The following TRIO variants were observed in gnomAD, a reference collection of about 807,000 sequenced individuals.
The protein encoded by TRIO is trio Rho guanine nucleotide exchange factor.
In TRIO, 58 loss-of-function variants were observed where a neutral mutation model predicts 351.9. The observed-to-expected ratio is 0.16, with a 90% CI of 0.13 to 0.21. The LOEUF (loss-of-function observed/expected upper bound fraction) is 0.21. TRIO is among the 10% of genes least tolerant of loss of function. TRIO has a pLI of 1.00. For synonymous variants in TRIO, 1,758 were observed against 1,595.7 expected (o/e 1.10, Z -2.42); for missense variants, 3,201 against 4,027.8 (o/e 0.79, Z 5.56).
rs148963217 is a variant in TRIO, at chr5:14,322,793, G to A, written c.1731+6050G>A. Among the ~76,000 whole-genome samples, 840 of 152,310 alleles carry A rather than the reference G, an allele frequency of 5.5e-3. 8 individuals carry two copies. The highest frequency in any genetic ancestry group is 5.6e-3 in the Non-Finnish European group (381 of 68,022). On this transcript the variant is annotated intron_variant, in intron 9 of 56. Transcript: ENST00000344204. ...CACTCCAGCACTCGCAGTTTTGATTGTGTCTCTTAATTAGAATGGCTACAG... is the reference window on the plus strand; with the variant it reads ...CACTCCAGCACTCGCAGTTTTGATTATGTCTCTTAATTAGAATGGCTACAG...
chr5:14,212,638 T>C (rs377310735), intron 1 of TRIO, among the ~76,000 whole-genome samples: 3 of 152,092 alleles, frequency 2.0e-5, no homozygotes, highest in African/African-American at 4.8e-5. Flanking sequence ...GTTGGCATTA[T>C]TGAAGAAAAA....
rs188184099 is a variant in TRIO at position 14,374,009 on chromosome 5, T to A, written c.3217-220T>A. The stretch of plus-strand genomic sequence containing the variant: ...GTTTCCTGCCCCATGGGCCTCTCTA[T>A]AGGGCAGAATGTAGCAGCAGGTGTC... On this transcript the variant is annotated intron_variant, in intron 18 of 56. Transcript: ENST00000344204. Among the ~76,000 whole-genome samples the A allele has an allele frequency of 2.2e-4, 33 of 152,230 alleles. 1 individual carries two copies. In the East Asian group the frequency reaches 6.0e-3, roughly 28 times the overall value.
rs753842516 is a variant in TRIO at position 14,316,684 on chromosome 5, C to T, written c.1672C>T (p.Arg558Cys). The change falls in exon 9 of 57, where the codon CGC (arginine) becomes TGC (cysteine). Residue 558 changes from arginine (R) to cysteine (C), a missense_variant. Around this residue, in one of 19 missense-constraint regions of TRIO, gnomAD observed 349 missense variants for 449.3 expected, o/e 0.78. Transcript: ENST00000344204. ...QRQLENIWQH[R>C]KVRLHQRLQL... ...GCAGCTGGAGAACATCTGGCAACAC[C>T]GCAAGGTCCGGCTGCATCAGAGGCT... The T allele has an allele frequency of 6.8e-6, 11 of 1,614,096 alleles. No homozygotes were observed. Among genetic ancestry groups the T allele is most frequent in the East Asian group, 6.7e-5 (3 of 44,898 alleles).
Position 14,293,090 on chromosome 5 carries a change from A to T in TRIO, c.1132A>T (p.Met378Leu). Residue 378 changes from methionine (M) to leucine (L), a missense_variant, in exon 6 of 57, where the codon ATG becomes TTG. Physicochemically the swap from Met to Leu is conservative, Grantham distance 15. Coordinates refer to ENST00000344204, the MANE Select transcript of TRIO (RefSeq NM_007118.4). ...GATTGGGACCAGCCACCCTCATGCC[A>T]TGGAGCTTCAGACGCAGCACAATCA... ...TEIGTSHPHA[M>L]ELQTQHNHFA... The T allele has an allele frequency of 4.3e-6, 7 of 1,614,202 alleles. No individual in the cohort carries two copies. The highest frequency in any genetic ancestry group is 5.9e-6 in the Non-Finnish European group (7 of 1,180,014).
rs192940712 is a variant in TRIO, at chr5:14,478,556, G to C, written c.6154-705G>C. 2.0e-4 allele frequency among the ~76,000 whole-genome samples: 31 copies of C among 152,202 alleles called. No individual in the cohort carries two copies. In the East Asian group the frequency reaches 5.4e-3, roughly 27 times the overall value. On this transcript the variant is annotated intron_variant, in intron 41 of 56. Transcript: ENST00000344204. ...CTACATTTTTTTTCTTCTGCCTTTA[G>C]GATTTGAGATTAAAGAGCTTCTTCT...
rs551694250 is a variant in TRIO at position 14,474,202 on chromosome 5, T to C, written c.6083+105T>C. 201 of 1,083,746 alleles carry C rather than the reference T, an allele frequency of 1.9e-4. 1 individual carries two copies. In the South Asian group the frequency reaches 2.8e-3, roughly 15 times the overall value. 67.1% of individuals were successfully genotyped at this position (1,083,746 alleles called of 1,614,324 possible). A position where few individuals can be genotyped will look rare whatever the true frequency, so the allele number is the denominator to read the frequency against. On this transcript the variant is annotated intron_variant, in intron 40 of 56. Transcript: ENST00000344204. Reference sequence around the variant, plus strand: ...TTTATTCTGTTCATCGTATTACCTGTGTAGCCTCCTGGAGGGAGCTGGTGC... The same window carrying C: ...TTTATTCTGTTCATCGTATTACCTGCGTAGCCTCCTGGAGGGAGCTGGTGC...
At chr5:14,503,421 A>G (rs1757430984) in intron 54 of TRIO, among the ~76,000 whole-genome samples, 1 of 152,246 alleles carries the variant, frequency 6.6e-6, no homozygotes, top group Non-Finnish European at 1.5e-5. Context: ...GACAGTGGTG[A>G]CATGTGCCTT....
At chr5:14,146,328 G>C (rs1350802232) in intron 1 of TRIO, among the ~76,000 whole-genome samples, 1 of 152,200 alleles carries the variant, frequency 6.6e-6, no homozygotes, top group Non-Finnish European at 1.5e-5. Flanking sequence ...GGGGAGGACA[G>C]ATCATGGTGT....
Position 14,472,626 on chromosome 5 carries a change from G to A in TRIO, c.5947G>A (p.Asp1983Asn). The A allele has an allele frequency of 6.2e-7, 1 of 1,614,126 alleles. No individual in the cohort carries two copies. The highest frequency in any genetic ancestry group is 8.5e-7 in the Non-Finnish European group (1 of 1,179,986). ...VLQELVETER[D>N]YVRDLGYVVE... The stretch of plus-strand genomic sequence containing the variant: ...GCAAGAACTAGTGGAGACAGAGCGT[G>A]ACTATGTGCGGGACCTTGGCTATGT... Residue 1983 changes from aspartate to asparagine, a missense_variant, in exon 39 of 57, where the codon GAC becomes AAC. Transcript: ENST00000344204.
At chr5:14,377,253 GT>G (rs753353240) in intron 19 of TRIO, among the ~76,000 whole-genome samples, 20 of 130,728 alleles carry the variant, frequency 1.5e-4, no homozygotes, top group Admixed American at 1.5e-4. Flanking sequence ...ATTTTTTTTT[GT>G]TTTTTTTTTT....
chr5:14,333,183 A>G (rs554833973), intron 10 of TRIO, among the ~76,000 whole-genome samples: 49 of 152,240 alleles, frequency 3.2e-4, no homozygotes, highest in African/African-American at 1.2e-3. Context: ...TCCCACTCCC[A>G]CACTACACAA....
intron 1 of TRIO, among the ~76,000 whole-genome samples, chr5:14,165,268 C>T (rs1235762182): frequency 6.6e-6 from 1 of 152,192 alleles, no homozygotes; most frequent in East Asian, 1.9e-4. Context: ...TAAACCGACA[C>T]CCTCACCCTC....
At chr5:14,207,281 AC>A (rs1791522649) in intron 1 of TRIO, among the ~76,000 whole-genome samples, 1 of 52,762 alleles carries the variant, frequency 1.9e-5, no homozygotes, top group South Asian at 7.0e-4. Context: ...ACACACACAC[AC>A]ACACACACAG....
intron 3 of TRIO, among the ~76,000 whole-genome samples, chr5:14,283,293 C>T (rs529744322): frequency 2.4e-4 from 36 of 152,286 alleles, no homozygotes; most frequent in Non-Finnish European, 4.6e-4. Context: ...AGTGCTTCCT[C>T]GTGCTTCCCA....
chr5:14,372,661 C>G (rs1745220943), intron 18 of TRIO, among the ~76,000 whole-genome samples: 1 of 152,072 alleles, frequency 6.6e-6, no homozygotes, highest in South Asian at 2.1e-4. Flanking sequence ...TGAATTGTTG[C>G]TATAGCAACT....
chr5:14,440,350 C>T (rs955627173), intron 34 of TRIO, among the ~76,000 whole-genome samples: 2 of 152,166 alleles, frequency 1.3e-5, no homozygotes, highest in South Asian at 2.1e-4. Flanking sequence ...AACAGGGGAG[C>T]GCACACACAC....
At chr5:14,380,723 A>C (rs1017755468) in intron 20 of TRIO, among the ~76,000 whole-genome samples, 1 of 152,216 alleles carries the variant, frequency 6.6e-6, no homozygotes, top group African/African-American at 2.4e-5. Flanking sequence ...TATTGGGTAT[A>C]TACCCAAAGA....
At chr5:14,207,557 C>CACACACA (rs58848680) in intron 1 of TRIO, among the ~76,000 whole-genome samples, 1 of 146,184 alleles carries the variant, frequency 6.8e-6, no homozygotes, top group African/African-American at 2.5e-5. Context: ...CACACACACA[C>CACACACA]GGAGCCAGGT....
chr5:14,488,546 ACTTT>A, intron 48 of TRIO: 1 of 526,720 alleles, frequency 1.9e-6, no homozygotes, highest in Non-Finnish European at 3.3e-6. Flanking sequence ...TCTTCTTGGA[ACTTT>A]CTTTTTTAAC....
Sources: gnomAD v4.1 joint callset for allele counts (sites outside exome capture counted in the v4.1 genomes callset) on GRCh38, gnomAD v4.1.1 for gene constraint, gnomAD v4.1.1 regional missense constraint, MANE v1.5 for transcripts, NCBI Gene and HGNC (gene_info 2026-07-23, HGNC 2026-07-21) for gene names.